HCRTR2: variants seen among roughly 807,000 people sequenced by gnomAD.
HCRTR2 encodes hypocretin receptor 2, also known as orexin receptor type 2.
Under a neutral mutation model 49.0 loss-of-function variants are expected in HCRTR2, and 22 were observed. The observed-to-expected ratio is 0.45, with a 90% CI of 0.32 to 0.64. HCRTR2 has a LOEUF of 0.64. HCRTR2 is among the 30% of genes least tolerant of loss of function. HCRTR2 has a pLI of 0.04. For synonymous variants in HCRTR2, 236 were observed against 205.3 expected (o/e 1.15, Z -1.28); for missense variants, 491 against 559.4 (o/e 0.88, Z 1.23).
intron 1 of HCRTR2, among the ~76,000 whole-genome samples, chr6:55,214,106 A>T (rs1250887952): frequency 1.3e-5 from 2 of 152,132 alleles, no homozygotes; most frequent in African/African-American, 2.4e-5. Flanking sequence ...CTCCAGAAGA[A>T]CTGTGGTACC....
At chr6:55,186,060 T>A (rs908700540) in intron 1 of HCRTR2, among the ~76,000 whole-genome samples, 1 of 152,244 alleles carries the variant, frequency 6.6e-6, no homozygotes, top group Non-Finnish European at 1.5e-5. Context: ...TAGAATTGAT[T>A]ACCATTTCAA....
chr6:55,246,750 G>A (rs1026870573), intron 1 of HCRTR2, among the ~76,000 whole-genome samples: 1 of 151,934 alleles, frequency 6.6e-6, no homozygotes, highest in Non-Finnish European at 1.5e-5. Context: ...TTTCCCACCT[G>A]TTAAACAGAG....
At chr6:55,132,214 C>G (rs1764368456) in intron 1 of HCRTR2, among the ~76,000 whole-genome samples, 1 of 151,778 alleles carries the variant, frequency 6.6e-6, no homozygotes, top group East Asian at 1.9e-4. Context: ...AATTTAATAA[C>G]AAGTTGTCAT....
chr6:55,187,822 A>G (rs1315641390), intron 1 of HCRTR2, among the ~76,000 whole-genome samples: 1 of 151,556 alleles, frequency 6.6e-6, no homozygotes, highest in Non-Finnish European at 1.5e-5. Context: ...TGTCTCCCAG[A>G]CTGGAGTGCA....
intron 4 of HCRTR2, among the ~76,000 whole-genome samples, chr6:55,267,101 C>T (rs976443130): frequency 2.0e-5 from 3 of 152,086 alleles, no homozygotes; most frequent in Admixed American, 6.6e-5. Context: ...ACCCCAAATG[C>T]GTGATTACAT....
chr6:55,182,728 G>C (rs1402437914), intron 1 of HCRTR2, among the ~76,000 whole-genome samples: 1 of 152,170 alleles, frequency 6.6e-6, no homozygotes, highest in Non-Finnish European at 1.5e-5. Flanking sequence ...GGGATAAGTT[G>C]TTGCACAGCC....
intron 2 of HCRTR2, among the ~76,000 whole-genome samples, chr6:55,251,831 C>T (rs898081838): frequency 6.6e-6 from 1 of 152,048 alleles, no homozygotes; most frequent in Non-Finnish European, 1.5e-5. Flanking sequence ...GGTCAAAGAC[C>T]AAGTACCTGA....
chr6:55,164,439 C>T (rs569526627), intron 1 of HCRTR2, among the ~76,000 whole-genome samples: 2 of 152,124 alleles, frequency 1.3e-5, no homozygotes, highest in Non-Finnish European at 2.9e-5. Flanking sequence ...AAATACTATG[C>T]AGCCATAAAA....
chr6:55,233,368 G>A (rs1017710953), intron 1 of HCRTR2, among the ~76,000 whole-genome samples: 1 of 152,026 alleles, frequency 6.6e-6, no homozygotes, highest in Non-Finnish European at 1.5e-5. Flanking sequence ...TGGGATTACC[G>A]GCATGAGCCA....
intron 1 of HCRTR2, among the ~76,000 whole-genome samples, chr6:55,145,977 T>C (rs1301513155): frequency 6.6e-6 from 1 of 152,052 alleles, no homozygotes. Flanking sequence ...TTTTTCTCTG[T>C]GATAGCACTT....
At chr6:55,164,743 T>C (rs1377702993) in intron 1 of HCRTR2, among the ~76,000 whole-genome samples, 3 of 151,954 alleles carry the variant, frequency 2.0e-5, no homozygotes, top group Non-Finnish European at 4.4e-5. Flanking sequence ...CTGCACGTTC[T>C]GCACATGTAT....
intron 6 of HCRTR2, chr6:55,280,651 C>A: frequency 5.7e-6 from 1 of 175,172 alleles, no homozygotes; most frequent in Non-Finnish European, 1.1e-5. Flanking sequence ...CCATGTCAAA[C>A]GTATAAGAAA....
At chr6:55,224,576 T>C (rs995869665) in intron 1 of HCRTR2, among the ~76,000 whole-genome samples, 4 of 151,370 alleles carry the variant, frequency 2.6e-5, no homozygotes, top group African/African-American at 9.7e-5. Context: ...TGAGCCGAGG[T>C]TGTGCCACTG....
At chr6:55,109,309 A>C (rs1764017703) in intron 1 of HCRTR2, among the ~76,000 whole-genome samples, 1 of 152,200 alleles carries the variant, frequency 6.6e-6, no homozygotes, top group African/African-American at 2.4e-5. Context: ...TGACAAAACA[A>C]GGTTCTTTAA....
rs1259583713 is a variant in HCRTR2, at chr6:55,255,339, T to C, written c.606T>C (p.Asn202=). The C allele has an allele frequency of 3.7e-6, 6 of 1,613,942 alleles. No individual in the cohort carries two copies. Among genetic ancestry groups the C allele is most frequent in the Non-Finnish European group, 5.1e-6 (6 of 1,179,964 alleles). ...GCACCGTGTTCCCAGGCTTAGCCAATAAAACCACCCTCTTTACGGTGTGTG... is the reference window on the plus strand; with the variant it reads ...GCACCGTGTTCCCAGGCTTAGCCAACAAAACCACCCTCTTTACGGTGTGTG... ...ECSTVFPGLA[N]KTTLFTVCDE... Residue 202 remains asparagine (N), a synonymous_variant, in exon 3 of 7, where the codon AAT becomes AAC. Transcript: ENST00000370862.
At chr6:55,259,192 A>AT (rs1306510084) in intron 3 of HCRTR2, among the ~76,000 whole-genome samples, 1 of 150,898 alleles carries the variant, frequency 6.6e-6, no homozygotes, top group East Asian at 1.9e-4. Flanking sequence ...CTCTTTTTGA[A>AT]TATTACTGAC....
intron 1 of HCRTR2, among the ~76,000 whole-genome samples, chr6:55,165,743 GAATATATATATATATATATATATA>G (rs1244812423): frequency 3.3e-5 from 3 of 90,214 alleles, no homozygotes; most frequent in South Asian, 4.1e-4. Context: ...TTAGTATACA[GAATATATATATATATATATATATA>G]TATATATATA....
chr6:55,221,132 G>A (rs1256599196), intron 1 of HCRTR2, among the ~76,000 whole-genome samples: 2 of 152,094 alleles, frequency 1.3e-5, no homozygotes, highest in African/African-American at 2.4e-5. Flanking sequence ...ACTGCTGAAA[G>A]CAATTTATAG....
intron 1 of HCRTR2, among the ~76,000 whole-genome samples, chr6:55,194,200 C>T (rs3122170): frequency 6.6e-6 from 1 of 152,162 alleles, no homozygotes; most frequent in South Asian, 2.1e-4. Context: ...GCTAGCTTGC[C>T]GGCTTGAGTT....
Sources: allele counts gnomAD v4.1 joint callset (sites outside exome capture counted in the v4.1 genomes callset), GRCh38; gene constraint gnomAD v4.1.1; transcripts MANE v1.5; gene names NCBI Gene and HGNC (gene_info 2026-07-23, HGNC 2026-07-21).